The following ANO5 variants were observed in gnomAD, a reference collection of about 807,000 sequenced individuals.
The protein encoded by ANO5 is anoctamin 5.
A neutral mutation model predicts 121.0 loss-of-function variants in ANO5; 109 were observed. That is an observed-to-expected ratio of 0.90 (90% CI 0.77 to 1.06). The LOEUF (loss-of-function observed/expected upper bound fraction) is 1.06. Ranked by LOEUF, ANO5 falls within the 50% of genes least tolerant of loss-of-function variation. The pLI is 0.00. For synonymous variants in ANO5, 406 were observed against 359.9 expected (o/e 1.13, Z -1.45); for missense variants, 1,064 against 1,078.5 (o/e 0.99, Z 0.19).
intron 17 of ANO5, among the ~76,000 whole-genome samples, chr11:22,267,109 A>C (rs948538848): frequency 2.6e-5 from 4 of 152,182 alleles, no homozygotes; most frequent in Non-Finnish European, 4.4e-5. Flanking sequence ...TATATCGGTT[A>C]AAGTTATGCA....
At chr11:22,254,591 A>C (rs1461931997) in intron 12 of ANO5, among the ~76,000 whole-genome samples, 1 of 142,876 alleles carries the variant, frequency 7.0e-6, no homozygotes, top group East Asian at 2.0e-4. Context: ...AAGTTGAACC[A>C]AAAAAAAAAA....
intron 1 of ANO5, among the ~76,000 whole-genome samples, chr11:22,197,254 T>C (rs541268924): frequency 6.6e-6 from 1 of 152,322 alleles, no homozygotes; most frequent in South Asian, 2.1e-4. Flanking sequence ...TATCTTCTAA[T>C]TTTAAAAATG....
Position 22,279,835 on chromosome 11 carries a change from C to T in ANO5, c.*70C>T, listed in dbSNP as rs1375928122. On this transcript the variant is annotated 3_prime_UTR_variant, in exon 22 of 22. Coordinates refer to ENST00000324559, the MANE Select transcript of ANO5 (RefSeq NM_213599.3). ...TATCCTCTGGTTTTAGGGCCAGACGCCAGAAGCCATGTGTCAATTTTACCC... is the reference window on the plus strand; with the variant it reads ...TATCCTCTGGTTTTAGGGCCAGACGTCAGAAGCCATGTGTCAATTTTACCC... 2 of 1,318,970 alleles carry T rather than the reference C, an allele frequency of 1.5e-6. No individual in the cohort carries two copies. The highest frequency in any genetic ancestry group is 3.0e-5 in the African/African-American group (2 of 67,752). 81.7% of individuals were successfully genotyped at this position (1,318,970 alleles called of 1,614,324 possible).
chr11:22,276,535 A>G (rs1854858652), intron 21 of ANO5, among the ~76,000 whole-genome samples: 1 of 151,760 alleles, frequency 6.6e-6, no homozygotes, highest in African/African-American at 2.4e-5. Context: ...AATCATAACA[A>G]CATTGTTAAT....
At chr11:22,208,223 T>A (rs568465014) in intron 2 of ANO5, among the ~76,000 whole-genome samples, 1 of 152,146 alleles carries the variant, frequency 6.6e-6, no homozygotes, top group South Asian at 2.1e-4. Context: ...ACGCAAAACC[T>A]AAACACAGAT....
intron 1 of ANO5, among the ~76,000 whole-genome samples, chr11:22,202,917 C>T (rs1222457043): frequency 7.2e-5 from 11 of 152,118 alleles, no homozygotes; most frequent in Admixed American, 6.6e-4. Flanking sequence ...CTAATTACAT[C>T]TGTAAAGACT....
chr11:22,245,467 T>C (rs551764747), intron 9 of ANO5, among the ~76,000 whole-genome samples: 1 of 152,326 alleles, frequency 6.6e-6, no homozygotes, highest in African/African-American at 2.4e-5. Context: ...TCCACTCTTC[T>C]CTATTCCTTT....
chr11:22,214,167 G>A (rs1346868185), intron 3 of ANO5, among the ~76,000 whole-genome samples: 2 of 151,976 alleles, frequency 1.3e-5, no homozygotes. Context: ...AGCTTCCTGA[G>A]TGGTTGGAAT....
intron 1 of ANO5, among the ~76,000 whole-genome samples, chr11:22,201,807 C>T (rs982568878): frequency 6.6e-6 from 1 of 152,172 alleles, no homozygotes; most frequent in African/African-American, 2.4e-5. Flanking sequence ...GAAGGCAGAG[C>T]ACTCATGACC....
At chr11:22,268,949 A>G (rs1180942961) in intron 17 of ANO5, among the ~76,000 whole-genome samples, 1 of 152,090 alleles carries the variant, frequency 6.6e-6, no homozygotes, top group Non-Finnish European at 1.5e-5. Context: ...GGCCGCAGTG[A>G]GCTGTGATCA....
chr11:22,278,858 A>T (rs1456279669), intron 21 of ANO5, among the ~76,000 whole-genome samples: 2 of 149,050 alleles, frequency 1.3e-5, no homozygotes. Context: ...CTCACAGTTC[A>T]TTGTGCTGAA....
chr11:22,254,670 T>C (rs986167959), intron 12 of ANO5, among the ~76,000 whole-genome samples: 1 of 152,128 alleles, frequency 6.6e-6, no homozygotes, highest in African/African-American at 2.4e-5. Context: ...ATATTTTTTA[T>C]ATTGGTGCTG....
At chr11:22,229,221 C>T (rs2133619703) in intron 7 of ANO5, among the ~76,000 whole-genome samples, 1 of 152,044 alleles carries the variant, frequency 6.6e-6, no homozygotes, top group South Asian at 2.1e-4. Context: ...ATTTAATCAT[C>T]AGGGTTCTAA....
At chr11:22,261,643 G>A (rs1012867742) in intron 15 of ANO5, 3 of 173,424 alleles carry the variant, frequency 1.7e-5, no homozygotes, top group Non-Finnish European at 2.5e-5. Flanking sequence ...CCACCTGGGT[G>A]ACAGAGTGAG....
chr11:22,206,253 A>G (rs918801615), intron 2 of ANO5, among the ~76,000 whole-genome samples: 3 of 152,150 alleles, frequency 2.0e-5, no homozygotes, highest in Non-Finnish European at 4.4e-5. Context: ...ATTCAGTAAT[A>G]TAAAAATAAT....
intron 2 of ANO5, 71 bp from the exon 3 acceptor site, chr11:22,211,193 A>C: frequency 2.6e-6 from 4 of 1,519,400 alleles, no homozygotes; most frequent in Non-Finnish European, 3.7e-6. Context: ...GTTGTTACTG[A>C]AACTTAAAAG....
At chr11:22,245,628 T>C (rs1423402201) in intron 9 of ANO5, among the ~76,000 whole-genome samples, 2 of 152,192 alleles carry the variant, frequency 1.3e-5, no homozygotes, top group Admixed American at 6.6e-5. Flanking sequence ...TCACATTTTC[T>C]GATTTTGCTT....
chr11:22,277,987 A>C (rs1214634074), intron 21 of ANO5: 1 of 151,596 alleles, frequency 6.6e-6, no homozygotes, highest in African/African-American at 2.4e-5. Context: ...CTTTCCTTAC[A>C]TGTGATTATT....
chr11:22,219,964 T>G (rs1021246479), intron 4 of ANO5, among the ~76,000 whole-genome samples: 39 of 151,764 alleles, frequency 2.6e-4, no homozygotes, highest in Non-Finnish European at 4.4e-5. Context: ...GCTAGTTTTT[T>G]TTCTGAGACA....
Sources: allele counts gnomAD v4.1 joint callset (sites outside exome capture counted in the v4.1 genomes callset), GRCh38; gene constraint gnomAD v4.1.1; transcripts MANE v1.5; gene names NCBI Gene and HGNC (gene_info 2026-07-23, HGNC 2026-07-21).